Variants in PLB1 observed in about 807,000 individuals in gnomAD.
PLB1 encodes phospholipase B1, membrane-associated.
PLB1 carries 242 observed loss-of-function variants against 227.4 expected under a neutral mutation model. The ratio of observed to expected loss-of-function variants is 1.06; its 90% CI spans 0.96 to 1.18. The LOEUF is 1.18. Ranked by LOEUF, PLB1 falls within the 50% of genes most tolerant of loss-of-function variation. PLB1 has a pLI of 0.00. For synonymous variants in PLB1, 757 were observed against 682.2 expected (o/e 1.11, Z -1.71); for missense variants, 1,858 against 1,816.3 (o/e 1.02, Z -0.42).
chr2:28,634,082 G>T (rs1689016782), intron 56 of PLB1, among the ~76,000 whole-genome samples: 1 of 152,118 alleles, frequency 6.6e-6, no homozygotes, highest in Non-Finnish European at 1.5e-5. Context: ...CTTCTTTTAA[G>T]AACAGCATGT....
intron 9 of PLB1, among the ~76,000 whole-genome samples, chr2:28,534,411 A>G (rs528117006): frequency 2.0e-5 from 3 of 152,362 alleles, no homozygotes; most frequent in African/African-American, 7.2e-5. Flanking sequence ...AACATTGTAA[A>G]AAAAATAGAA....
chr2:28,627,197 G>T (rs1687916565), intron 51 of PLB1, among the ~76,000 whole-genome samples: 1 of 152,112 alleles, frequency 6.6e-6, no homozygotes, highest in Admixed American at 6.5e-5. Flanking sequence ...ACTACCAGAG[G>T]CTTGATGAGA....
intron 56 of PLB1, among the ~76,000 whole-genome samples, chr2:28,636,879 CT>C (rs1238127103): frequency 6.6e-6 from 1 of 152,118 alleles, no homozygotes; most frequent in Non-Finnish European, 1.5e-5. Flanking sequence ...TGGAAAGGGG[CT>C]TTTGAGGACT....
At chr2:28,610,239 T>TA (rs1475436870) in intron 43 of PLB1, among the ~76,000 whole-genome samples, 6 of 152,164 alleles carry the variant, frequency 3.9e-5, no homozygotes. Context: ...CATTAGGTAT[T>TA]TGTCCTAATG....
At chr2:28,591,015 T>G in intron 29 of PLB1, 118 bp from the exon 30 acceptor site, 1 of 1,294,706 alleles carries the variant, frequency 7.7e-7, no homozygotes, top group Non-Finnish European at 1.1e-6. Context: ...GAGGCTGGGC[T>G]TGGGACACAG....
intron 30 of PLB1, 110 bp downstream of exon 30, chr2:28,591,281 G>A: frequency 7.4e-7 from 1 of 1,349,678 alleles, no homozygotes; most frequent in Non-Finnish European, 1.1e-6. Flanking sequence ...GTTCTAGATG[G>A]GCATAAAGGC....
intron 1 of PLB1, among the ~76,000 whole-genome samples, chr2:28,506,498 C>T (rs543751221): frequency 7.2e-5 from 11 of 152,174 alleles, no homozygotes; most frequent in Middle Eastern, 3.4e-3. Flanking sequence ...AATTAAACCC[C>T]GGTGCAAGGA....
chr2:28,525,140 C>T (rs1670059824), intron 4 of PLB1, 127 bp from the exon 5 acceptor site: 1 of 810,272 alleles, frequency 1.2e-6, no homozygotes, highest in Non-Finnish European at 2.0e-6. Flanking sequence ...TGTGAGCCAC[C>T]AAGCCTGGGC....
At chr2:28,606,014 A>C in intron 42 of PLB1, 66 bp downstream of exon 42, 1 of 1,296,108 alleles carries the variant, frequency 7.7e-7, no homozygotes, top group Non-Finnish European at 1.1e-6. Context: ...CAGCCCCTAT[A>C]GAATGGAGTC....
At chr2:28,609,151 C>T (rs1291755196) in intron 43 of PLB1, among the ~76,000 whole-genome samples, 1 of 152,132 alleles carries the variant, frequency 6.6e-6, no homozygotes, top group African/African-American at 2.4e-5. Context: ...GAACTCTGGA[C>T]TCAAGTGATC....
At position 28,621,387 on chromosome 2, in the gene PLB1, A is replaced by G. The variant is rs926197818; in HGVS notation, c.3527+409A>G. Among the ~76,000 whole-genome samples the G allele has an allele frequency of 1.1e-3, 163 of 152,174 alleles. 2 individuals are homozygous for G. The highest frequency in any genetic ancestry group is 9.7e-4 in the Non-Finnish European group (66 of 68,016). ...CAGGGTGGCTCTCAGCACCTCGACA[A>G]CTGAGTGCATGACCCGGGGGATAGC... On this transcript the variant is annotated intron_variant, in intron 49 of 57. Transcript: ENST00000327757.
At chr2:28,636,591 C>T (rs763062806) in intron 56 of PLB1, among the ~76,000 whole-genome samples, 2 of 152,096 alleles carry the variant, frequency 1.3e-5, no homozygotes, top group African/African-American at 2.4e-5. Flanking sequence ...TGTCCACTGA[C>T]AGTAGGATGG....
chr2:28,602,095 T>G (rs1383502682), intron 38 of PLB1, 131 bp downstream of exon 38: 9 of 892,262 alleles, frequency 1.0e-5, no homozygotes, highest in Admixed American at 2.1e-5. Context: ...CCTTCCCTTT[T>G]CAGAGGTTGG....
chr2:28,553,471 G>A (rs1036127532), intron 17 of PLB1, among the ~76,000 whole-genome samples: 4 of 152,186 alleles, frequency 2.6e-5, no homozygotes, highest in African/African-American at 9.7e-5. Context: ...TTTCTAAAAT[G>A]TCTGTTGCTG....
At position 28,539,234 on chromosome 2, in the gene PLB1, G is replaced by T. The variant is rs1672127413; in HGVS notation, c.698+56G>T. The T allele has an allele frequency of 1.3e-5, 19 of 1,452,660 alleles. No individual in the cohort carries two copies. The South Asian group carries it at 2.2e-4, about 17-fold the overall frequency. The allele number at this position is 1,452,660 out of a possible 1,614,324, so 90.0% of individuals were successfully genotyped here. A position where few individuals can be genotyped will look rare whatever the true frequency, so the allele number is the denominator to read the frequency against. On this transcript the variant is annotated intron_variant, in intron 11 of 57. Coordinates refer to ENST00000327757, the MANE Select transcript of PLB1 (RefSeq NM_153021.5). ...CTGTGACACGGCTGTCACGTGTGCG[G>T]CCTGTGGGGGCCCTTCATGTGCCGT...
intron 12 of PLB1, 85 bp downstream of exon 12, chr2:28,540,526 T>A (rs1672341944): frequency 2.7e-6 from 3 of 1,118,330 alleles, no homozygotes; most frequent in Non-Finnish European, 4.0e-6. Context: ...GGACAATTAG[T>A]TGAGTTTGCT....
At chr2:28,555,877 TTTTTC>T in intron 17 of PLB1, among the ~76,000 whole-genome samples, 1 of 150,210 alleles carries the variant, frequency 6.7e-6, no homozygotes. Flanking sequence ...TTTTTTTTTT[TTTTTC>T]TTTTTTGAGA....
chr2:28,596,724 T>A (rs1362218755), intron 33 of PLB1, among the ~76,000 whole-genome samples: 1 of 152,226 alleles, frequency 6.6e-6, no homozygotes, highest in African/African-American at 2.4e-5. Flanking sequence ...CAAGTTAGGC[T>A]CAGACATCTA....
chr2:28,496,990 C>A (rs1158591915), intron 1 of PLB1, among the ~76,000 whole-genome samples: 2 of 152,210 alleles, frequency 1.3e-5, no homozygotes, highest in African/African-American at 2.4e-5. Flanking sequence ...TGAGGCTTCT[C>A]TGGGGCAAGT....
Sources: allele counts gnomAD v4.1 joint callset (sites outside exome capture counted in the v4.1 genomes callset), GRCh38; gene constraint gnomAD v4.1.1; transcripts MANE v1.5; gene names NCBI Gene and HGNC (gene_info 2026-07-23, HGNC 2026-07-21).